LHX4: variants seen among roughly 807,000 people sequenced by gnomAD.
LHX4 encodes the protein LIM homeobox 4.
Under a neutral mutation model 39.2 loss-of-function variants are expected in LHX4, and 16 were observed. The observed-to-expected ratio is 0.41, with a 90% confidence interval of 0.28 to 0.62. LHX4 has a LOEUF of 0.62. LHX4 is among the 20% of genes least tolerant of loss of function. The pLI is 0.33. For synonymous variants in LHX4, 206 were observed against 198.1 expected (o/e 1.04, Z -0.33); for missense variants, 439 against 511.9 (o/e 0.86, Z 1.37).
chr1:180,235,834 C>G (rs1246346911), intron 1 of LHX4, among the ~76,000 whole-genome samples: 2 of 152,210 alleles, frequency 1.3e-5, no homozygotes, highest in Non-Finnish European at 2.9e-5. Context: ...TGGACTGGGA[C>G]CGAGCGCATC....
In LHX4 at chr1:180,274,552, C is replaced by T. The variant is rs200889836; in HGVS notation, c.1146C>T (p.Leu382=). 4.6e-5 allele frequency: 73 copies of T among 1,590,604 alleles called. No individual in the cohort carries two copies. The highest frequency in any genetic ancestry group is 5.0e-5 in the Non-Finnish European group (58 of 1,168,270). Residue 382 remains leucine, a synonymous_variant, in exon 6 of 6, where the codon CTC becomes CTT. Transcript: ENST00000263726. ...PDFPTSPGSW[L]DEMDHPPF ...TTCCAACTAGCCCAGGCTCTTGGCT[C>T]GATGAAATGGATCATCCTCCTTTTT...
In LHX4 at chr1:180,275,962, G is replaced by A. The variant is rs1400907962; in HGVS notation, c.*1383G>A. 1 of 152,292 alleles carries A rather than the reference G, an allele frequency of 6.6e-6. No individual in the cohort carries two copies. Among genetic ancestry groups the A allele is most frequent in the Non-Finnish European group, 1.5e-5 (1 of 68,084 alleles). 9.4% of individuals were successfully genotyped at this position (152,292 alleles called of 1,614,324 possible). A position where few individuals can be genotyped will look rare whatever the true frequency, so the allele number is the denominator to read the frequency against. On this transcript the variant is annotated 3_prime_UTR_variant, in exon 6 of 6. Coordinates refer to ENST00000263726, the MANE Select transcript of LHX4 (RefSeq NM_033343.4). Reference sequence around the variant, plus strand: ...CACTCCTGCGACAGACTGCACTGCTGTGGGAAACGCTGTCCTGAATGGTGC... The same window carrying A: ...CACTCCTGCGACAGACTGCACTGCTATGGGAAACGCTGTCCTGAATGGTGC...
At chr1:180,264,711 C>G (rs1159293910) in intron 2 of LHX4, among the ~76,000 whole-genome samples, 1 of 152,222 alleles carries the variant, frequency 6.6e-6, no homozygotes, top group African/African-American at 2.4e-5. Context: ...TTTTGAACAA[C>G]TTAGCAGGTG....
chr1:180,278,155 C>CA lies in LHX4; in HGVS notation c.*3577dup, dbSNP rs1263203366. On this transcript the variant is annotated 3_prime_UTR_variant, in exon 6 of 6. Transcript: ENST00000263726. ...TGGTTATAACCATGAAAATAATGAC[C>CA]ATACCTCCCCAGCCAGCAGGGTCTG... 1.3e-5 allele frequency: 2 copies of CA among 152,208 alleles called. No individual in the cohort carries two copies. The highest frequency in any genetic ancestry group is 2.4e-5 in the African/African-American group (1 of 41,446). 9.4% of individuals were successfully genotyped at this position (152,208 alleles called of 1,614,324 possible).
At chr1:180,233,068 C>G (rs1484317166) in intron 1 of LHX4, among the ~76,000 whole-genome samples, 2 of 152,228 alleles carry the variant, frequency 1.3e-5, no homozygotes, top group Non-Finnish European at 2.9e-5. Context: ...CCTCTAGTGC[C>G]CTCCCCTCTA....
upstream of LHX4, among the ~76,000 whole-genome samples, chr1:180,229,680 A>C (rs1571249078): frequency 6.6e-6 from 1 of 151,504 alleles, no homozygotes; most frequent in Admixed American, 6.5e-5. Context: ...GGCGGAGCGA[A>C]GCCGGGGACC....
At position 180,248,431 on chromosome 1, in the gene LHX4, G is replaced by A. The variant is rs749318884; in HGVS notation, c.223G>A (p.Val75Ile). The A allele has an allele frequency of 6.1e-5, 98 of 1,614,070 alleles. 1 individual carries two copies. The East Asian group carries it at 1.5e-3, about 25-fold the overall frequency. ...CAGGTGCTTCTCCAGGGCTGGGAGC[G>A]TCTACTGCAAGGAGGACTTCTTCAA... ...ADRCFSRAGS[V>I]YCKEDFFKRF... The change falls in exon 2 of 6, where the codon GTC becomes ATC. Residue 75 changes from valine to isoleucine, a missense_variant. Coordinates refer to ENST00000263726, the MANE Select transcript of LHX4 (RefSeq NM_033343.4).
intron 2 of LHX4, among the ~76,000 whole-genome samples, chr1:180,253,454 C>G (rs1258676787): frequency 6.6e-6 from 1 of 152,220 alleles, no homozygotes; most frequent in Non-Finnish European, 1.5e-5. Flanking sequence ...CTCTGAGCAT[C>G]TATGTCCTCT....
chr1:180,244,710 T>G lies in LHX4; in HGVS notation c.77-3575T>G, dbSNP rs12124616. 3.7e-3 allele frequency among the ~76,000 whole-genome samples: 559 copies of G among 152,254 alleles called. 3 individuals carry two copies. The highest frequency in any genetic ancestry group is 0.012 in the African/African-American group (513 of 41,522). On this transcript the variant is annotated intron_variant, in intron 1 of 5. Transcript: ENST00000263726. ...AATTAGGTAGGAATCTGTGGCCCCT[T>G]TTGCCCAGGAGCCAAGGGAGGTGCA...
chr1:180,231,932 A>G (rs1664192859), intron 1 of LHX4, among the ~76,000 whole-genome samples: 1 of 152,180 alleles, frequency 6.6e-6, no homozygotes, highest in Non-Finnish European at 1.5e-5. Context: ...AAGCCTATTT[A>G]GATTGTTTCT....
At chr1:180,252,060 G>A (rs1471317602) in intron 2 of LHX4, among the ~76,000 whole-genome samples, 1 of 152,180 alleles carries the variant, frequency 6.6e-6, no homozygotes, top group Non-Finnish European at 1.5e-5. Context: ...GTACAGACAG[G>A]GAGGCAGCAG....
At chr1:180,248,201 G>C (rs1647461338) in intron 1 of LHX4, 84 bp from the exon 2 acceptor site, 2 of 1,359,862 alleles carry the variant, frequency 1.5e-6, no homozygotes, top group South Asian at 2.4e-5. Flanking sequence ...CATCAGCAGA[G>C]TGGGAAGGCA....
intron 2 of LHX4, among the ~76,000 whole-genome samples, chr1:180,265,499 G>A (rs750676598): frequency 6.6e-6 from 1 of 152,176 alleles, no homozygotes; most frequent in Non-Finnish European, 1.5e-5. Context: ...CCCACTGGAC[G>A]ATACTTTTAA....
upstream of LHX4, among the ~76,000 whole-genome samples, chr1:180,229,460 C>G (rs1252524690): frequency 6.6e-6 from 1 of 152,136 alleles, no homozygotes; most frequent in Admixed American, 6.5e-5. Context: ...CGCGCACAGC[C>G]CCTGGTCCCC....
chr1:180,240,196 C>T (rs1664415291), intron 1 of LHX4, among the ~76,000 whole-genome samples: 1 of 152,150 alleles, frequency 6.6e-6, no homozygotes, highest in Non-Finnish European at 1.5e-5. Flanking sequence ...AAACATTATT[C>T]CCTTTTAAAA....
At chr1:180,241,077 C>A (rs1664436538) in intron 1 of LHX4, among the ~76,000 whole-genome samples, 1 of 152,172 alleles carries the variant, frequency 6.6e-6, no homozygotes, top group Admixed American at 6.5e-5. Flanking sequence ...CCCAATCTAC[C>A]CTCACCTGGA....
At chr1:180,265,601 C>T (rs145831417) in intron 2 of LHX4, among the ~76,000 whole-genome samples, 5 of 152,290 alleles carry the variant, frequency 3.3e-5, no homozygotes, top group South Asian at 2.1e-4. Flanking sequence ...CCTTTTGCCT[C>T]GGTGTTGTTC....
At chr1:180,264,725 T>C (rs146635579) in intron 2 of LHX4, among the ~76,000 whole-genome samples, 2,283 of 152,324 alleles carry the variant, frequency 0.015, 24 homozygotes, top group Non-Finnish European at 0.02. Flanking sequence ...GCAGGTGGTT[T>C]ACAGGCCTAT....
intron 2 of LHX4, among the ~76,000 whole-genome samples, chr1:180,265,463 G>C (rs1429064258): frequency 2.6e-5 from 4 of 152,158 alleles, no homozygotes; most frequent in Non-Finnish European, 5.9e-5. Context: ...TCTATGACCA[G>C]AATGGGGAAA....
Sources: allele counts gnomAD v4.1 joint callset (sites outside exome capture counted in the v4.1 genomes callset), GRCh38; gene constraint gnomAD v4.1.1; transcripts MANE v1.5; gene names NCBI Gene and HGNC (gene_info 2026-07-23, HGNC 2026-07-21).